AUTS2: variants seen among roughly 807,000 people sequenced by gnomAD.
AUTS2 encodes the protein autism susceptibility gene 2 protein.
In AUTS2, 17 loss-of-function variants were observed where a neutral mutation model predicts 112.4. The observed-to-expected ratio is 0.15, with a 90% CI of 0.10 to 0.23. AUTS2 has a LOEUF of 0.23. Among genes scored for constraint, AUTS2 ranks in the 10% least tolerant of loss-of-function variants. The pLI, the probability that AUTS2 is intolerant of heterozygous loss-of-function variation, is 1.00. For missense variants in AUTS2, 1,510 were observed against 1,701.6 expected (o/e 0.89, Z 1.98); for synonymous variants, 751 against 702.7 (o/e 1.07, Z -1.09).
At chr7:70,613,384 C>T (rs555828841) in intron 5 of AUTS2, among the ~76,000 whole-genome samples, 155 of 152,146 alleles carry the variant, frequency 1.0e-3, no homozygotes, top group Non-Finnish European at 1.9e-3. Context: ...ATTAGATTTT[C>T]GGAGTGTCAT....
intron 5 of AUTS2, among the ~76,000 whole-genome samples, chr7:70,592,641 G>A (rs1803004353): frequency 6.6e-6 from 1 of 152,096 alleles, no homozygotes; most frequent in Non-Finnish European, 1.5e-5. Flanking sequence ...GGGATTACAG[G>A]CATGAGCTAC....
chr7:70,378,993 G>A lies in AUTS2; in HGVS notation c.661-56759G>A, dbSNP rs145992584. The stretch of plus-strand genomic sequence containing the variant: ...CATTGTTTCATATGCCATTTTATTC[G>A]TATCTCTTCCAATTCTTATTAAGAC... On this transcript the variant is annotated intron_variant, in intron 4 of 18. Coordinates refer to ENST00000342771, the MANE Select transcript of AUTS2 (RefSeq NM_015570.4). 8.9e-3 allele frequency among the ~76,000 whole-genome samples: 1,356 copies of A among 152,038 alleles called. 12 individuals carry two copies. The highest frequency in any genetic ancestry group is 0.016 in the South Asian group (78 of 4,818).
chr7:70,343,068 A>G (rs1039200836), intron 4 of AUTS2, among the ~76,000 whole-genome samples: 1 of 152,240 alleles, frequency 6.6e-6, no homozygotes, highest in Non-Finnish European at 1.5e-5. Context: ...AAAAAGTCAG[A>G]TTAAGTATTT....
At chr7:70,057,042 A>T (rs1228212156) in intron 2 of AUTS2, among the ~76,000 whole-genome samples, 2 of 152,142 alleles carry the variant, frequency 1.3e-5, no homozygotes, top group Non-Finnish European at 2.9e-5. Context: ...TTGCACATGC[A>T]TGATTTGGAT....
intron 4 of AUTS2, among the ~76,000 whole-genome samples, chr7:70,149,088 G>A (rs554355311): frequency 1.2e-4 from 18 of 152,156 alleles, no homozygotes; most frequent in Non-Finnish European, 2.5e-4. Context: ...GTTCCATGAG[G>A]TCAGAACTAC....
intron 5 of AUTS2, among the ~76,000 whole-genome samples, chr7:70,668,666 G>A (rs1049546389): frequency 1.3e-5 from 2 of 152,278 alleles, no homozygotes; most frequent in South Asian, 4.2e-4. Context: ...AAATTCCCCA[G>A]CTGGGGCACC....
At position 70,764,842 on chromosome 7, in the gene AUTS2, G is replaced by A. The variant is rs1220253903; in HGVS notation, c.1305G>A (p.Leu435=). The change falls in exon 8 of 19, where the codon CTG becomes CTA. Residue 435 remains leucine (L), a synonymous_variant. Coordinates refer to ENST00000342771, the MANE Select transcript of AUTS2 (RefSeq NM_015570.4). ...CTGCCTCCCCGTTCCCCCTCTCCCT[G>A]CCCAACCACAGCCCCCTGCACAGCT... ...HPSASPFPLS[L]PNHSPLHSFT... is the part of the protein sequence containing the mutation. 3 of 1,228,522 alleles carry A rather than the reference G, an allele frequency of 2.4e-6. No individual in the cohort carries two copies. The highest frequency in any genetic ancestry group is 1.6e-5 in the South Asian group (1 of 62,024). The allele number at this position is 1,228,522 out of a possible 1,614,324, so 76.1% of individuals were successfully genotyped here.
chr7:70,675,125 G>A (rs1246566122), intron 5 of AUTS2, among the ~76,000 whole-genome samples: 1 of 151,900 alleles, frequency 6.6e-6, no homozygotes, highest in Non-Finnish European at 1.5e-5. Context: ...ACCTCCAATC[G>A]TAGAAAACTG....
rs1813063911 is a variant in AUTS2, at chr7:70,248,814, G to C, written c.660+114243G>C. Among the ~76,000 whole-genome samples, 3 of 152,034 alleles carry C rather than the reference G, an allele frequency of 2.0e-5. No individual in the cohort carries two copies. In the South Asian group the frequency reaches 6.2e-4, roughly 32 times the overall value. Reference sequence around the variant, plus strand: ...AAAGGAAAGATAATGATGAATACAGGGACTTTTGAACACTTTAATTCCCAT... The same window carrying C: ...AAAGGAAAGATAATGATGAATACAGCGACTTTTGAACACTTTAATTCCCAT... On this transcript the variant is annotated intron_variant, in intron 4 of 18. Coordinates refer to ENST00000342771, the MANE Select transcript of AUTS2 (RefSeq NM_015570.4).
intron 5 of AUTS2, among the ~76,000 whole-genome samples, chr7:70,494,562 G>T (rs547465820): frequency 6.6e-6 from 1 of 151,570 alleles, no homozygotes; most frequent in South Asian, 2.1e-4. Context: ...GTGTCCCCAC[G>T]TCCCCACCGC....
Position 70,219,592 on chromosome 7 carries a change from G to C in AUTS2, c.660+85021G>C, listed in dbSNP as rs142174069. On this transcript the variant is annotated intron_variant, in intron 4 of 18. Coordinates refer to ENST00000342771, the MANE Select transcript of AUTS2 (RefSeq NM_015570.4). Reference sequence around the variant, plus strand: ...CTTTTCCTTTTTTTTTTTTTTTTGAGAGAGAGTCTCGCTCTGTTGCCTAGG... The same window carrying C: ...CTTTTCCTTTTTTTTTTTTTTTTGACAGAGAGTCTCGCTCTGTTGCCTAGG... Among the ~76,000 whole-genome samples, 3 of 143,962 alleles carry C rather than the reference G, an allele frequency of 2.1e-5. No individual in the cohort carries two copies. In the East Asian group the frequency reaches 6.2e-4, roughly 30 times the overall value. The allele number at this position is 143,962 out of a possible 152,430, so 94.4% of individuals were successfully genotyped here. A position where few individuals can be genotyped will look rare whatever the true frequency, so the allele number is the denominator to read the frequency against.
chr7:69,907,932 A>G (rs962993066), intron 2 of AUTS2, among the ~76,000 whole-genome samples: 2 of 152,234 alleles, frequency 1.3e-5, no homozygotes, highest in African/African-American at 4.8e-5. Context: ...CATTAGTAGC[A>G]TTACTGAAAT....
chr7:70,122,031 A>G (rs1359828721), intron 3 of AUTS2, among the ~76,000 whole-genome samples: 1 of 152,250 alleles, frequency 6.6e-6, no homozygotes, highest in Non-Finnish European at 1.5e-5. Flanking sequence ...GCATTGTAAT[A>G]TATACTACAA....
intron 1 of AUTS2, among the ~76,000 whole-genome samples, chr7:69,627,671 G>A (rs868845924): frequency 6.6e-6 from 1 of 152,056 alleles, no homozygotes; most frequent in South Asian, 2.1e-4. Context: ...TAAGAGTAGG[G>A]GAGAGCATGG....
At chr7:70,310,599 C>T (rs1424709642) in intron 4 of AUTS2, among the ~76,000 whole-genome samples, 8 of 147,142 alleles carry the variant, frequency 5.4e-5, no homozygotes, top group Non-Finnish European at 3.0e-5. Context: ...GGCGACTGAG[C>T]GAGACTCTGT....
At chr7:70,191,547 T>C (rs1037396587) in intron 4 of AUTS2, among the ~76,000 whole-genome samples, 3 of 152,210 alleles carry the variant, frequency 2.0e-5, no homozygotes, top group African/African-American at 7.2e-5. Flanking sequence ...TCAACTTTCA[T>C]GTCTTATTTC....
At chr7:70,438,508 T>C (rs1795987905) in intron 5 of AUTS2, among the ~76,000 whole-genome samples, 1 of 152,134 alleles carries the variant, frequency 6.6e-6, no homozygotes, top group African/African-American at 2.4e-5. Context: ...TTCTGCCCCA[T>C]GCCATTTCTC....
intron 4 of AUTS2, among the ~76,000 whole-genome samples, chr7:70,326,917 CTTTT>C (rs552893729): frequency 1.7e-5 from 2 of 120,684 alleles, no homozygotes; most frequent in African/African-American, 6.4e-5. Flanking sequence ...ATGCTTGGTT[CTTTT>C]TTTTTTTTTT....
At chr7:69,952,802 C>T (rs547493515) in intron 2 of AUTS2, among the ~76,000 whole-genome samples, 1 of 152,202 alleles carries the variant, frequency 6.6e-6, no homozygotes, top group South Asian at 2.1e-4. Flanking sequence ...ATATTAAAGA[C>T]TGAAAGGAAC....
Sources: allele counts gnomAD v4.1 joint callset (sites outside exome capture counted in the v4.1 genomes callset), GRCh38; gene constraint gnomAD v4.1.1; transcripts MANE v1.5; gene names NCBI Gene and HGNC (gene_info 2026-07-23, HGNC 2026-07-21).